PRR14L: variants seen among roughly 807,000 people sequenced by gnomAD.
PRR14L encodes the protein proline rich 14 like, also known as protein PRR14L.
PRR14L carries 80 observed loss-of-function variants against 155.0 expected under a neutral mutation model. The observed-to-expected ratio is 0.52, with a 90% confidence interval of 0.43 to 0.62. The LOEUF is 0.62. Among genes scored for constraint, PRR14L ranks in the 20% least tolerant of loss-of-function variants. PRR14L has a pLI of 0.00. For missense variants in PRR14L, 2,469 were observed against 2,548.0 expected (o/e 0.97, Z 0.67); for synonymous variants, 883 against 916.0 (o/e 0.96, Z 0.65).
rs574613169 is a variant in PRR14L at position 31,745,853 on chromosome 22, A to ATATATATATATAT, written c.-52+4139_-52+4140insATATATATATATA. Among the ~76,000 whole-genome samples the ATATATATATATAT allele has an allele frequency of 4.1e-5, 6 of 146,010 alleles. No homozygotes were observed. The South Asian group carries it at 1.4e-3, about 33-fold the overall frequency. On this transcript the variant is annotated intron_variant, in intron 1 of 8. Transcript: ENST00000327423. ...GAGGGAGACTCAGTTTAAAAAAAAAAAAAAAAAAATATATATATATATATA... is the reference window on the plus strand; with the variant it reads ...GAGGGAGACTCAGTTTAAAAAAAAAATATATATATATATAAAAAAAAATATATATATATATATA...
chr22:31,749,484 A>G (rs1044551916), intron 1 of PRR14L, among the ~76,000 whole-genome samples: 3 of 152,212 alleles, frequency 2.0e-5, no homozygotes, highest in South Asian at 2.1e-4. Flanking sequence ...CTGGGAAGAA[A>G]GATCCCCTCT....
chr22:31,722,529 T>G (rs554833685), intron 3 of PRR14L, among the ~76,000 whole-genome samples: 2 of 150,842 alleles, frequency 1.3e-5, no homozygotes, highest in East Asian at 3.9e-4. Context: ...ATTCAGTTTT[T>G]TTTTTTTTTT....
intron 1 of PRR14L, among the ~76,000 whole-genome samples, chr22:31,739,360 T>C (rs2074800224): frequency 6.6e-6 from 1 of 152,230 alleles, no homozygotes; most frequent in Non-Finnish European, 1.5e-5. Context: ...GAATATATAC[T>C]GAGGAACTCT....
In PRR14L at chr22:31,716,913, T is replaced by A. The variant is rs2074663587; in HGVS notation, c.926A>T (p.Asp309Val). The A allele has an allele frequency of 6.4e-7, 1 of 1,551,984 alleles. No homozygotes were observed. ...LCKPNLVCEA[D>V]DNHQQLHGHH... ...GCCATGAAGCTGTTGGTGATTGTCATCTGCTTCACAGACCAGGTTTGGTTT... is the reference window on the plus strand; with the variant it reads ...GCCATGAAGCTGTTGGTGATTGTCAACTGCTTCACAGACCAGGTTTGGTTT... The change falls in exon 4 of 9, where the codon GAT (aspartate) becomes GTT (valine). Residue 309 changes from aspartate to valine, a missense_variant. Physicochemically the swap from Asp to Val is radical, Grantham distance 152. Around this residue, in one of 2 missense-constraint regions of PRR14L, gnomAD observed 2,363 missense variants for 2,371.6 expected, o/e 1.00. Transcript: ENST00000327423.
At chr22:31,687,195 G>A (rs989395969) in intron 8 of PRR14L, among the ~76,000 whole-genome samples, 10 of 151,614 alleles carry the variant, frequency 6.6e-5, no homozygotes, top group Admixed American at 3.3e-4. Context: ...GTGCCACCAC[G>A]CCTGGGTAAT....
intron 7 of PRR14L, among the ~76,000 whole-genome samples, chr22:31,694,485 T>C (rs2074525304): frequency 6.6e-6 from 1 of 152,066 alleles, no homozygotes; most frequent in African/African-American, 2.4e-5. Context: ...CGGTGTCTCA[T>C]GCCTGTAATT....
chr22:31,749,100 A>G (rs1178186554), intron 1 of PRR14L, among the ~76,000 whole-genome samples: 1 of 152,252 alleles, frequency 6.6e-6, no homozygotes, highest in African/African-American at 2.4e-5. Context: ...AAAGCTTACT[A>G]TATAACTAGT....
Position 31,715,181 on chromosome 22 carries a change from T to G in PRR14L, c.2658A>C (p.Ser886=). ...MVAGLLNSGI[S]NKTIHTSSSI... ...TACTGGAGGTGTGAATGGTTTTGTT[T>G]GAAATTCCACTATTTAACAAGCCTG... is the stretch of plus-strand genomic sequence containing the variant. The change falls in exon 4 of 9, where the codon TCA becomes TCC. Residue 886 remains serine (S), a synonymous_variant. Transcript: ENST00000327423. 1.3e-6 allele frequency: 2 copies of G among 1,552,154 alleles called. No homozygotes were observed. The highest frequency in any genetic ancestry group is 1.7e-6 in the Non-Finnish European group (2 of 1,147,102).
intron 1 of PRR14L, among the ~76,000 whole-genome samples, chr22:31,742,196 A>G (rs1251544429): frequency 4.0e-4 from 61 of 152,170 alleles, no homozygotes; most frequent in Non-Finnish European, 1.0e-4. Context: ...GATTTTTCGA[A>G]GGAGATGGGC....
At chr22:31,718,904 T>C (rs112672746) in intron 3 of PRR14L, among the ~76,000 whole-genome samples, 2,256 of 151,416 alleles carry the variant, frequency 0.015, 48 homozygotes, top group Middle Eastern at 0.044. Context: ...CAAAAACCCA[T>C]CTCTACCGAA....
intron 2 of PRR14L, among the ~76,000 whole-genome samples, chr22:31,727,768 G>A (rs2074724657): frequency 1.3e-5 from 2 of 151,786 alleles, no homozygotes; most frequent in African/African-American, 4.8e-5. Flanking sequence ...GATCACCTGA[G>A]GTCAGGAGTT....
At chr22:31,741,626 C>T (rs1279733704) in intron 1 of PRR14L, among the ~76,000 whole-genome samples, 7 of 152,192 alleles carry the variant, frequency 4.6e-5, no homozygotes, top group Admixed American at 4.6e-4. Context: ...AATCCCAGCA[C>T]TTTGGGAGGC....
chr22:31,720,822 C>T (rs2147867614), intron 3 of PRR14L, among the ~76,000 whole-genome samples: 2 of 152,314 alleles, frequency 1.3e-5, no homozygotes, highest in South Asian at 4.1e-4. Flanking sequence ...TTCACCTCTT[C>T]CTCAAAATAT....
chr22:31,714,580 C>A lies in PRR14L; in HGVS notation c.3259G>T (p.Ala1087Ser). The A allele has an allele frequency of 6.4e-7, 1 of 1,551,912 alleles. No homozygotes were observed. The highest frequency in any genetic ancestry group is 8.7e-7 in the Non-Finnish European group (1 of 1,147,034). ...LDCGARQEKL[A>S]FQEDSRSTLS... is the part of the protein sequence containing the mutation. The stretch of plus-strand genomic sequence containing the variant: ...GTACTCCTGGAGTCCTCTTGAAATG[C>A]CAGTTTCTCTTGCCTTGCACCACAA... The change falls in exon 4 of 9, where the codon GCA becomes TCA. Residue 1087 changes from alanine to serine, a missense_variant. Physicochemically the swap from Ala to Ser is moderately conservative, Grantham distance 99. Coordinates refer to ENST00000327423, the MANE Select transcript of PRR14L (RefSeq NM_173566.3).
chr22:31,728,544 C>T (rs532867923), intron 2 of PRR14L, among the ~76,000 whole-genome samples: 55 of 148,690 alleles, frequency 3.7e-4, no homozygotes, highest in African/African-American at 1.2e-3. Context: ...ACCCAGGAGG[C>T]GGAGGTTGCA....
At chr22:31,705,137 TGTG>T (rs2074583291) in intron 4 of PRR14L, among the ~76,000 whole-genome samples, 3 of 152,104 alleles carry the variant, frequency 2.0e-5, no homozygotes, top group Admixed American at 1.3e-4. Context: ...GGAGTGCACC[TGTG>T]GTCTCAGCTA....
intron 6 of PRR14L, 107 bp from the exon 7 acceptor site, chr22:31,701,869 G>A: frequency 1.3e-6 from 1 of 776,736 alleles, no homozygotes; most frequent in Non-Finnish European, 2.1e-6. Flanking sequence ...GTGAAGTGGT[G>A]CAATCATAGC....
At chr22:31,721,685 G>A (rs1292287822) in intron 3 of PRR14L, among the ~76,000 whole-genome samples, 2 of 152,200 alleles carry the variant, frequency 1.3e-5, no homozygotes, top group East Asian at 3.9e-4. Flanking sequence ...ATAGCCAGAA[G>A]AGAAGAATTT....
rs372061683 is a variant in PRR14L, at chr22:31,712,145, G to C, written c.5694C>G (p.Phe1898Leu). Residue 1898 changes from phenylalanine to leucine, a missense_variant, in exon 4 of 9, where the codon TTC (phenylalanine) becomes TTG (leucine). Coordinates refer to ENST00000327423, the MANE Select transcript of PRR14L (RefSeq NM_173566.3). Reference sequence around the variant, plus strand: ...GAGGGGAATGAAGAGAAGAGATTTCGAAGGAGCAGACAGAAGGACCATGCT... The same window carrying C: ...GAGGGGAATGAAGAGAAGAGATTTCCAAGGAGCAGACAGAAGGACCATGCT... ...WSQHGPSVCS[F>L]EISSLHSPHC... The C allele has an allele frequency of 1.9e-6, 3 of 1,614,058 alleles. No homozygotes were observed. The highest frequency in any genetic ancestry group is 2.2e-5 in the South Asian group (2 of 91,066).
Sources: allele counts gnomAD v4.1 joint callset (sites outside exome capture counted in the v4.1 genomes callset), GRCh38; gene constraint gnomAD v4.1.1; regional missense constraint gnomAD v4.1.1; transcripts MANE v1.5; gene names NCBI Gene and HGNC (gene_info 2026-07-23, HGNC 2026-07-21).